Variants in CIC observed in about 807,000 individuals in gnomAD.
CIC encodes capicua transcriptional repressor.
CIC carries 18 observed loss-of-function variants against 115.7 expected under a neutral mutation model. The observed-to-expected ratio is 0.16, with a 90% CI of 0.11 to 0.23. The LOEUF (loss-of-function observed/expected upper bound fraction) is 0.23, where lower values mean the gene tolerates loss of function less well. Ranked by LOEUF, CIC falls within the 10% of genes least tolerant of loss-of-function variation. CIC has a pLI of 1.00. For synonymous variants in CIC, 1,076 were observed against 923.0 expected (o/e 1.17, Z -3.01); for missense variants, 2,000 against 2,159.3 (o/e 0.93, Z 1.46).
At position 42,292,220 on chromosome 19, in the gene CIC, G is replaced by A. The variant is rs371074167; in HGVS notation, c.5735+13G>A. 45 of 1,613,780 alleles carry A rather than the reference G, an allele frequency of 2.8e-5. No individual in the cohort carries two copies. The Admixed American group carries it at 6.7e-4, about 24-fold the overall frequency. ...CCTCCTCCACCAGGTAATTGCAGCT[G>A]AGCCCATACTCAGAGGCCAGGGAAG... On this transcript the variant is annotated intron_variant, in intron 13 of 20. Transcript: ENST00000681038.
rs2147195000 is a variant in CIC, at chr19:42,287,547, G to A, written c.3312G>A (p.Arg1104=). ...SEKDGRSPNK[R]EKDHIRRPMN... is the part of the protein sequence containing the mutation. ...GCTCTGGGCTGTGTTTAATGCAGCG[G>A]GAGAAGGACCACATCCGGCGGCCCA... Residue 1104 remains arginine (R), a splice_region_variant and synonymous_variant, in exon 6 of 21, where the codon CGG becomes CGA. Coordinates refer to ENST00000681038, the MANE Select transcript of CIC (RefSeq NM_001386298.1). This position sits in a 1 kb window ranked among gnomAD's most constrained non-coding sequence, Gnocchi z 8.7. 6.2e-7 allele frequency: 1 copy of A among 1,613,298 alleles called. No homozygotes were observed. The highest frequency in any genetic ancestry group is 8.5e-7 in the Non-Finnish European group (1 of 1,180,034).
chr19:42,291,735 C>T lies in CIC; in HGVS notation c.5603C>T (p.Pro1868Leu). ...FSVPVQNGAQ[P>L]PSKIIQLTPV... is the part of the protein sequence containing the mutation. Reference sequence around the variant, plus strand: ...GTACCTGTGCAGAATGGTGCCCAGCCCCCCAGCAAGGTGAGGGCCTGCCTT... The same window carrying T: ...GTACCTGTGCAGAATGGTGCCCAGCTCCCCAGCAAGGTGAGGGCCTGCCTT... The change falls in exon 12 of 21, where the codon CCC (proline) becomes CTC (leucine). Residue 1868 changes from proline to leucine, a missense_variant. Pro to Leu is a moderately conservative substitution (Grantham distance 98). Transcript: ENST00000681038. The T allele has an allele frequency of 1.2e-6, 2 of 1,613,036 alleles. No homozygotes were observed. Among genetic ancestry groups the T allele is most frequent in the South Asian group, 1.1e-5 (1 of 91,088 alleles).
chr19:42,272,527 C>A lies in CIC; in HGVS notation c.744C>A (p.Gly248=), dbSNP rs980471487. ...TGACTTTCTATGAGGGGGTGCCAGG[C>A]GCTGGTGTGGATGTAGTTTTGGATG... ...RALTFYEGVP[G]AGVDVVLDAT... is the part of the protein sequence containing the mutation. Residue 248 remains glycine (G), a synonymous_variant, in exon 2 of 21, where the codon GGC becomes GGA. Transcript: ENST00000681038. The A allele has an allele frequency of 1.3e-5, 5 of 398,484 alleles. No individual in the cohort carries two copies. Among genetic ancestry groups the A allele is most frequent in the African/African-American group, 1.0e-4 (5 of 48,612 alleles). The allele number at this position is 398,484 out of a possible 1,614,324, so 24.7% of individuals were successfully genotyped here.
At chr19:42,284,574 G>T (rs1044079355) in intron 2 of CIC, 3 of 329,862 alleles carry the variant, frequency 9.1e-6, no homozygotes, top group South Asian at 2.6e-4. Flanking sequence ...CGGCGGGGGG[G>T]GGGGCATGCG....
rs1349864904 is a variant in CIC at position 42,287,240 on chromosome 19, C to G, written c.3179C>G (p.Ala1060Gly). 6.2e-7 allele frequency: 1 copy of G among 1,613,868 alleles called. No individual in the cohort carries two copies. The highest frequency in any genetic ancestry group is 8.5e-7 in the Non-Finnish European group (1 of 1,179,946). Residue 1060 changes from alanine to glycine, a missense_variant and splice_region_variant, in exon 4 of 21, where the codon GCC (alanine) becomes GGC (glycine). By Grantham distance (60) the Ala-to-Gly change is moderately conservative. Around this residue, in one of 8 missense-constraint regions of CIC, gnomAD observed 222 missense variants for 247.7 expected, o/e 0.90. Coordinates refer to ENST00000681038, the MANE Select transcript of CIC (RefSeq NM_001386298.1). This position sits in a 1 kb window ranked among gnomAD's most constrained non-coding sequence, Gnocchi z 8.7. ...DSETESDHDD[A>G]FLSIMSPEIQ... is the part of the protein sequence containing the mutation. ...GAGACAGAGAGTGACCATGATGATG[C>G]GTGAGTTCCCTGAGGCCTGGGACTT...
At chr19:42,283,172 T>C (rs1029991941) in intron 2 of CIC, among the ~76,000 whole-genome samples, 3 of 151,946 alleles carry the variant, frequency 2.0e-5, no homozygotes, top group Non-Finnish European at 4.4e-5. Flanking sequence ...TTGTGAGTGC[T>C]AGGAAGGCTG....
rs2038292035 is a variant in CIC, at chr19:42,293,381, GTC to G, written c.6522+105_6522+106del. On this transcript the variant is annotated intron_variant, in intron 16 of 20. Transcript: ENST00000681038. ...CCTACTCTTCTTTCCATGCCTGTGT[GTC>G]TCTCAGGTTAAAGGGTCCCCTCTGT... is the stretch of plus-strand genomic sequence containing the variant. 2.9e-6 allele frequency: 4 copies of G among 1,385,946 alleles called. No homozygotes were observed. In the African/African-American group the frequency reaches 4.3e-5, roughly 15 times the overall value. The allele number at this position is 1,385,946 out of a possible 1,614,324, so 85.9% of individuals were successfully genotyped here.
In CIC at chr19:42,290,826, C is replaced by T. The variant is rs536537730; in HGVS notation, c.4785C>T (p.Ile1595=). Residue 1595 remains isoleucine, a synonymous_variant, in exon 11 of 21, where the codon ATC becomes ATT. Transcript: ENST00000681038. ...CTGTCAGCAGCACTCCTGTGCCCAT[C>T]GCCTCTAAGCCCTTCCCCACCTCTG... is the stretch of plus-strand genomic sequence containing the variant. ...VRPVSSTPVP[I]ASKPFPTSGR... The T allele has an allele frequency of 2.2e-5, 36 of 1,608,800 alleles. No individual in the cohort carries two copies. Among genetic ancestry groups the T allele is most frequent in the Non-Finnish European group, 2.9e-5 (34 of 1,177,912 alleles).
rs2036716777 is a variant in CIC, at chr19:42,270,036, G to A, written c.-11+655G>A. 6.6e-6 allele frequency among the ~76,000 whole-genome samples: 1 copy of A among 152,176 alleles called. No individual in the cohort carries two copies. The highest frequency in any genetic ancestry group is 6.5e-5 in the Admixed American group (1 of 15,286). On this transcript the variant is annotated intron_variant, in intron 1 of 20. Transcript: ENST00000681038. The surrounding 1 kb of genome is among the most constrained non-coding windows in gnomAD (Gnocchi z 4.1). ...CTAGGGGAAAGAAAGCAGCTCTGGG[G>A]CGAAGAGAGGCTGGGCCAGGCAGCA...
Position 42,287,764 on chromosome 19 carries a change from C to T in CIC, c.3492+37C>T, listed in dbSNP as rs1483991425. ...GCCTCTTGGCTCCTCCCAGCTTCTT[C>T]TGGTGGGGTGGGTGAGTGAAGGGTT... On this transcript the variant is annotated intron_variant, in intron 6 of 20. Transcript: ENST00000681038. This position sits in a 1 kb window ranked among gnomAD's most constrained non-coding sequence, Gnocchi z 8.7. 2 of 1,614,164 alleles carry T rather than the reference C, an allele frequency of 1.2e-6. No individual in the cohort carries two copies. The highest frequency in any genetic ancestry group is 1.7e-6 in the Non-Finnish European group (2 of 1,180,022).
At position 42,293,916 on chromosome 19, in the gene CIC, G is replaced by T; in HGVS notation, c.6768-19G>T. 6.2e-7 allele frequency: 1 copy of T among 1,612,692 alleles called. No homozygotes were observed. The highest frequency in any genetic ancestry group is 8.5e-7 in the Non-Finnish European group (1 of 1,179,944). ...AGCTGCAGGCTGAGGCGGGGGAGGTGACCCTGCCGGCCCTCCAGCAGGGTC... is the reference window on the plus strand; with the variant it reads ...AGCTGCAGGCTGAGGCGGGGGAGGTTACCCTGCCGGCCCTCCAGCAGGGTC... On this transcript the variant is annotated intron_variant, in intron 17 of 20. Coordinates refer to ENST00000681038, the MANE Select transcript of CIC (RefSeq NM_001386298.1).
chr19:42,293,742 G>T lies in CIC; in HGVS notation c.6673G>T (p.Gly2225Trp), dbSNP rs1314616216. 6.2e-7 allele frequency: 1 copy of T among 1,612,724 alleles called. No individual in the cohort carries two copies. Among genetic ancestry groups the T allele is most frequent in the Non-Finnish European group, 8.5e-7 (1 of 1,179,816 alleles). ...SSESSSGRAA[G>W]DTPERKEAAG... ...CGAGAGCAGCAGTGGGCGGGCAGCC[G>T]GGGACACCCCGGAGCGCAAGGAGGC... Residue 2225 changes from glycine to tryptophan, a missense_variant, in exon 17 of 21, where the codon GGG becomes TGG. Transcript: ENST00000681038.
chr19:42,290,945 G>A lies in CIC; in HGVS notation c.4904G>A (p.Ser1635Asn). 1 of 1,613,678 alleles carries A rather than the reference G, an allele frequency of 6.2e-7. No homozygotes were observed. The highest frequency in any genetic ancestry group is 8.5e-7 in the Non-Finnish European group (1 of 1,180,008). Residue 1635 changes from serine to asparagine, a missense_variant, in exon 11 of 21, where the codon AGC becomes AAC. Physicochemically the swap from Ser to Asn is conservative, Grantham distance 46 (BLOSUM62 1). This residue lies in a region of CIC where 1,466 missense variants were observed against 1,390.4 expected (regional missense o/e 1.05). Transcript: ENST00000681038. ...CCTGGGGGCTCCCCGCTGGGTGTCA[G>A]CTTAGTGTATTCGGACAAGAAGTCG... is the stretch of plus-strand genomic sequence containing the variant. ...RVPGGSPLGV[S>N]LVYSDKKSAA...
intron 16 of CIC, 81 bp downstream of exon 16, chr19:42,293,362 C>T (rs895847902): frequency 5.5e-6 from 8 of 1,444,966 alleles, no homozygotes; most frequent in Admixed American, 2.0e-5. Context: ...CTGTCCTACT[C>T]TTCTTTCCAT....
Position 42,270,734 on chromosome 19 carries a change from C to A in CIC, c.-10-1040C>A, listed in dbSNP as rs978914363. Among the ~76,000 whole-genome samples, 3 of 151,902 alleles carry A rather than the reference C, an allele frequency of 2.0e-5. No homozygotes were observed. Among genetic ancestry groups the A allele is most frequent in the Non-Finnish European group, 4.4e-5 (3 of 67,934 alleles). On this transcript the variant is annotated intron_variant, in intron 1 of 20. Coordinates refer to ENST00000681038, the MANE Select transcript of CIC (RefSeq NM_001386298.1). The surrounding 1 kb of genome is among the most constrained non-coding windows in gnomAD (Gnocchi z 4.1). ...AGAGGGGGGCTGGGCTTGCGGGTAT[C>A]ACGCTGGGTGCTGTGGGGGGAGGAG...
chr19:42,280,564 C>T lies in CIC; in HGVS notation c.2794+5987C>T, dbSNP rs1209685183. ...CCCTGAGCGATTAACCCCTGCGCTGCCGCGTCCTCGGGCTGGGTGGGGTAC... is the reference window on the plus strand; with the variant it reads ...CCCTGAGCGATTAACCCCTGCGCTGTCGCGTCCTCGGGCTGGGTGGGGTAC... On this transcript the variant is annotated intron_variant, in intron 2 of 20. Transcript: ENST00000681038. The surrounding 1 kb of genome is among the most constrained non-coding windows in gnomAD (Gnocchi z 4.9). 6.6e-6 allele frequency among the ~76,000 whole-genome samples: 1 copy of T among 152,224 alleles called. No homozygotes were observed. The highest frequency in any genetic ancestry group is 1.5e-5 in the Non-Finnish European group (1 of 68,016).
At position 42,291,664 on chromosome 19, in the gene CIC, T is replaced by A; in HGVS notation, c.5532T>A (p.Gly1844=). The A allele has an allele frequency of 6.3e-7, 1 of 1,596,264 alleles. No individual in the cohort carries two copies. Among genetic ancestry groups the A allele is most frequent in the Non-Finnish European group, 8.5e-7 (1 of 1,174,054 alleles). Residue 1844 remains glycine (G), a synonymous_variant, in exon 12 of 21, where the codon GGT becomes GGA. Coordinates refer to ENST00000681038, the MANE Select transcript of CIC (RefSeq NM_001386298.1). ...CCGCCCCTAGCATGTCAGTGCGGGG[T>A]GGAGGGGCCGGCCAGCCACTGCCAC... is the stretch of plus-strand genomic sequence containing the variant. ...PLAAPSMSVR[G]GGAGQPLPLV...
rs1313580381 is a variant in CIC at position 42,280,911 on chromosome 19, C to A, written c.2795-5860C>A. 6.6e-6 allele frequency among the ~76,000 whole-genome samples: 1 copy of A among 150,518 alleles called. No homozygotes were observed. The highest frequency in any genetic ancestry group is 2.4e-5 in the African/African-American group (1 of 40,932). Reference sequence around the variant, plus strand: ...TTCCCTTCCCCAAACCCACGTCTCTCAACCCCCCCACCCCCGCATCCCACC... The same window carrying A: ...TTCCCTTCCCCAAACCCACGTCTCTAAACCCCCCCACCCCCGCATCCCACC... On this transcript the variant is annotated intron_variant, in intron 2 of 20. Transcript: ENST00000681038. The surrounding 1 kb of genome is among the most constrained non-coding windows in gnomAD (Gnocchi z 4.9).
intron 2 of CIC, chr19:42,284,836 C>G (rs775182883): frequency 7.4e-7 from 1 of 1,345,820 alleles, no homozygotes; most frequent in Non-Finnish European, 1.0e-6. Flanking sequence ...TGCGGAGTAA[C>G]GGTGGTGGGG....
Sources: gnomAD v4.1 joint callset for allele counts (sites outside exome capture counted in the v4.1 genomes callset) on GRCh38, gnomAD v4.1.1 for gene constraint, gnomAD v4.1.1 regional missense constraint, Gnocchi (gnomAD v3.1) non-coding constraint, MANE v1.5 for transcripts, NCBI Gene and HGNC (gene_info 2026-07-23, HGNC 2026-07-21) for gene names.